The following LIMCH1 variants were observed in gnomAD, a reference collection of about 807,000 sequenced individuals.
LIMCH1 encodes the protein LIM and calponin homology domains 1.
Under a neutral mutation model 176.5 loss-of-function variants are expected in LIMCH1, and 113 were observed. The ratio of observed to expected loss-of-function variants is 0.64; its 90% CI spans 0.55 to 0.75. The LOEUF is 0.75. LIMCH1 is among the 30% of genes least tolerant of loss of function. The pLI is 0.00. For synonymous variants in LIMCH1, 619 were observed against 645.9 expected (o/e 0.96, Z 0.63); for missense variants, 1,674 against 1,814.9 (o/e 0.92, Z 1.41).
At chr4:41,524,912 C>G (rs1005537336) in intron 3 of LIMCH1, among the ~76,000 whole-genome samples, 4 of 152,206 alleles carry the variant, frequency 2.6e-5, no homozygotes, top group Admixed American at 2.6e-4. Context: ...TTATAATCTA[C>G]TTGGGTTGAA....
At chr4:41,427,272 A>T (rs893251205) in intron 1 of LIMCH1, among the ~76,000 whole-genome samples, 3 of 152,102 alleles carry the variant, frequency 2.0e-5, no homozygotes, top group Admixed American at 2.0e-4. Flanking sequence ...GCCTGCAGTG[A>T]ACTACTCACT....
intron 1 of LIMCH1, among the ~76,000 whole-genome samples, chr4:41,576,665 G>A (rs79888439): frequency 6.6e-6 from 1 of 152,048 alleles, no homozygotes; most frequent in Admixed American, 6.6e-5. Context: ...GCAGTAGTTA[G>A]GAATAGCATG....
chr4:41,368,341 G>A (rs1336851865), intron 1 of LIMCH1, among the ~76,000 whole-genome samples: 2 of 152,192 alleles, frequency 1.3e-5, no homozygotes, highest in Non-Finnish European at 2.9e-5. Flanking sequence ...CATAGTGTTA[G>A]GCATGGTGTT....
At chr4:41,367,569 G>A (rs1191337154) in intron 1 of LIMCH1, among the ~76,000 whole-genome samples, 5 of 151,624 alleles carry the variant, frequency 3.3e-5, no homozygotes, top group African/African-American at 4.8e-5. Context: ...GGCTAGGTGC[G>A]GTGGCTCACG....
intron 1 of LIMCH1, among the ~76,000 whole-genome samples, chr4:41,368,789 A>G (rs2053506717): frequency 6.6e-6 from 1 of 152,184 alleles, no homozygotes; most frequent in Non-Finnish European, 1.5e-5. Flanking sequence ...CAGAGTTTGC[A>G]TGATGATCCA....
At chr4:41,648,658 G>GGTGTGTGTGTGTGTGTGTGTGTGT (rs71650941) in intron 17 of LIMCH1, among the ~76,000 whole-genome samples, 24 of 135,332 alleles carry the variant, frequency 1.8e-4, no homozygotes, top group African/African-American at 6.5e-4. Flanking sequence ...AAGGGGTAGG[G>GGTGTGTGTGTGTGTGTGTGTGTGT]GTGTGTGTGT....
intron 2 of LIMCH1, among the ~76,000 whole-genome samples, chr4:41,500,078 A>G (rs1358658277): frequency 6.6e-6 from 1 of 152,228 alleles, no homozygotes; most frequent in Non-Finnish European, 1.5e-5. Flanking sequence ...CATGGGACAT[A>G]GTAGGGTTTG....
At chr4:41,636,526 A>G (rs1259113407) in intron 13 of LIMCH1, among the ~76,000 whole-genome samples, 2 of 151,916 alleles carry the variant, frequency 1.3e-5, no homozygotes, top group African/African-American at 4.8e-5. Context: ...CCCCCAGTAC[A>G]TAGTAAAGGG....
intron 17 of LIMCH1, among the ~76,000 whole-genome samples, chr4:41,648,929 A>G (rs1045290726): frequency 2.0e-5 from 3 of 150,936 alleles, no homozygotes; most frequent in African/African-American, 7.3e-5. Context: ...CAATGAAGGC[A>G]AAATTGCTTG....
chr4:41,568,539 C>T (rs557247733), intron 1 of LIMCH1, among the ~76,000 whole-genome samples: 3 of 152,172 alleles, frequency 2.0e-5, no homozygotes, highest in South Asian at 2.1e-4. Flanking sequence ...AAAACTAATG[C>T]GAGAAAAATA....
At chr4:41,499,688 C>T (rs184430395) in intron 2 of LIMCH1, among the ~76,000 whole-genome samples, 11 of 152,236 alleles carry the variant, frequency 7.2e-5, no homozygotes, top group African/African-American at 2.6e-4. Context: ...CGTGGTGGCG[C>T]ATGCCTCTAG....
intron 1 of LIMCH1, among the ~76,000 whole-genome samples, chr4:41,547,255 C>T (rs1369545480): frequency 6.6e-6 from 1 of 152,152 alleles, no homozygotes; most frequent in Non-Finnish European, 1.5e-5. Context: ...GAACATACTC[C>T]TCCTGTCTAA....
chr4:41,594,451 G>A lies in LIMCH1; in HGVS notation c.-240-4469G>A, dbSNP rs372750010. 1.5e-4 allele frequency among the ~76,000 whole-genome samples: 23 copies of A among 152,312 alleles called. No individual in the cohort carries two copies. The East Asian group carries it at 3.7e-3, about 24-fold the overall frequency. On this transcript the variant is annotated intron_variant, in intron 1 of 31. Coordinates refer to ENST00000503057, the MANE Select transcript of LIMCH1 (RefSeq NM_001330672.2). The stretch of plus-strand genomic sequence containing the variant: ...CCAAAGTTAACACACTAAGTTTTGG[G>A]TTTTGCTGGAAATTGTAAATGTGGA...
At chr4:41,482,718 T>G (rs1409529125) in intron 1 of LIMCH1, among the ~76,000 whole-genome samples, 1 of 152,172 alleles carries the variant, frequency 6.6e-6, no homozygotes, top group East Asian at 1.9e-4. Context: ...TTGCTGCCAA[T>G]AATGATAATG....
intron 1 of LIMCH1, among the ~76,000 whole-genome samples, chr4:41,596,241 G>A (rs961791361): frequency 2.0e-5 from 3 of 150,894 alleles, no homozygotes; most frequent in Non-Finnish European, 4.4e-5. Context: ...TCATTTACAT[G>A]TAAACGTACC....
At chr4:41,589,451 A>G (rs541645024) in intron 1 of LIMCH1, among the ~76,000 whole-genome samples, 2 of 152,116 alleles carry the variant, frequency 1.3e-5, no homozygotes, top group Non-Finnish European at 2.9e-5. Context: ...ACTTGTAAGG[A>G]CATAGGCTTT....
chr4:41,447,941 C>A (rs1044527048), intron 1 of LIMCH1, among the ~76,000 whole-genome samples: 1 of 152,146 alleles, frequency 6.6e-6, no homozygotes, highest in African/African-American at 2.4e-5. Flanking sequence ...CAGGCATGCA[C>A]CACCACGCCT....
chr4:41,537,469 T>C (rs2078077636), upstream of LIMCH1, among the ~76,000 whole-genome samples: 1 of 152,228 alleles, frequency 6.6e-6, no homozygotes, highest in Non-Finnish European at 1.5e-5. Flanking sequence ...AGCAGAGGAC[T>C]GTAAACACAT....
chr4:41,612,188 C>T (rs1283795142), intron 4 of LIMCH1, among the ~76,000 whole-genome samples: 1 of 152,156 alleles, frequency 6.6e-6, no homozygotes, highest in Non-Finnish European at 1.5e-5. Context: ...ACTCTGTCCC[C>T]CGCAAAGGGC....
Sources: gnomAD v4.1 joint callset for allele counts (sites outside exome capture counted in the v4.1 genomes callset) on GRCh38, gnomAD v4.1.1 for gene constraint, MANE v1.5 for transcripts, NCBI Gene and HGNC (gene_info 2026-07-23, HGNC 2026-07-21) for gene names.